The following PPP6R2 variants were observed in gnomAD, a reference collection of about 807,000 sequenced individuals.
The protein encoded by PPP6R2 is serine/threonine-protein phosphatase 6 regulatory subunit 2.
In PPP6R2, 62 loss-of-function variants were observed where a neutral mutation model predicts 100.2. The ratio of observed to expected loss-of-function variants is 0.62; its 90% CI spans 0.50 to 0.76. PPP6R2 has a LOEUF of 0.76. PPP6R2 is among the 30% of genes least tolerant of loss of function. PPP6R2 has a pLI of 0.00. For missense variants in PPP6R2, 1,142 were observed against 1,276.3 expected (o/e 0.89, Z 1.60); for synonymous variants, 525 against 514.7 (o/e 1.02, Z -0.27).
In PPP6R2 at chr22:50,437,037, G is replaced by T; in HGVS notation, c.1652G>T (p.Gly551Val). 6.4e-7 allele frequency: 1 copy of T among 1,563,012 alleles called. No individual in the cohort carries two copies. The highest frequency in any genetic ancestry group is 8.7e-7 in the Non-Finnish European group (1 of 1,153,934). Residue 551 changes from glycine to valine, a missense_variant, in exon 15 of 24, where the codon GGT becomes GTT. By Grantham distance (109) the Gly-to-Val change is moderately radical. Coordinates refer to ENST00000612753, the MANE Select transcript of PPP6R2 (RefSeq NM_001242898.2). ...TCAAGTGAGGACGAGGACATTGAGGGTGCTTTCCCTAACGAGCTGTCCCTT... is the reference window on the plus strand; with the variant it reads ...TCAAGTGAGGACGAGGACATTGAGGTTGCTTTCCCTAACGAGCTGTCCCTT... ...HSSSEDEDIE[G>V]AFPNELSLQQ...
At chr22:50,440,164 A>G (rs1219646817) in intron 21 of PPP6R2, 115 bp downstream of exon 21, 8 of 928,052 alleles carry the variant, frequency 8.6e-6, no homozygotes, top group South Asian at 1.7e-5. Flanking sequence ...GCATGCTGCT[A>G]CGTCTCTGGT....
At chr22:50,412,678 GT>G (rs2059931330) in intron 4 of PPP6R2, among the ~76,000 whole-genome samples, 1 of 91,280 alleles carries the variant, frequency 1.1e-5, no homozygotes, top group African/African-American at 4.4e-5. Flanking sequence ...GTCTTGCTCT[GT>G]CACCCAGGCT....
intron 3 of PPP6R2, among the ~76,000 whole-genome samples, chr22:50,405,549 G>T (rs2058744206): frequency 7.2e-6 from 1 of 138,172 alleles, no homozygotes; most frequent in Non-Finnish European, 1.6e-5. Context: ...TAAGAGGCCT[G>T]GAGAGAGGTG....
intron 1 of PPP6R2, among the ~76,000 whole-genome samples, chr22:50,350,419 T>C (rs62241244): frequency 0.82 from 124,750 of 151,380 alleles, 52,032 homozygotes; most frequent in African/African-American, 0.95. Context: ...TCTATAAAGA[T>C]GGGATTTCAC....
the PPP6R2 span, among the ~76,000 whole-genome samples, chr22:50,333,997 T>C: frequency 6.6e-6 from 1 of 152,214 alleles, no homozygotes; most frequent in Non-Finnish European, 1.5e-5. Context: ...GTAACGTCAT[T>C]ATTTCTTTTA....
chr22:50,441,082 GCTCTGT>G, intron 22 of PPP6R2, 56 bp downstream of exon 22: 1 of 1,400,400 alleles, frequency 7.1e-7, no homozygotes, highest in Non-Finnish European at 9.5e-7. Flanking sequence ...TGGCTTCCAG[GCTCTGT>G]CCCCAGGTCT....
At chr22:50,340,392 GGT>G (rs1455610335), upstream of PPP6R2, among the ~76,000 whole-genome samples, 47 of 123,964 alleles carry the variant, frequency 3.8e-4, no homozygotes, top group African/African-American at 1.3e-3. Flanking sequence ...TATGGTATGT[GGT>G]GTGTGTGGTG....
intron 10 of PPP6R2, among the ~76,000 whole-genome samples, chr22:50,430,283 G>A (rs906767119): frequency 1.3e-5 from 2 of 152,212 alleles, no homozygotes; most frequent in Non-Finnish European, 2.9e-5. Context: ...GGGCTCCCTT[G>A]GGGAGTGTCT....
At chr22:50,338,694 G>A (rs1191522952), upstream of PPP6R2, among the ~76,000 whole-genome samples, 2 of 147,968 alleles carry the variant, frequency 1.4e-5, no homozygotes, top group South Asian at 4.4e-4. Context: ...TGTGGTGTGT[G>A]TGGTGTGTGT....
At position 50,438,705 on chromosome 22, in the gene PPP6R2, G is replaced by C. The variant is rs1421632552; in HGVS notation, c.2071G>C (p.Gly691Arg). 5.6e-6 allele frequency: 9 copies of C among 1,613,636 alleles called. No homozygotes were observed. The highest frequency in any genetic ancestry group is 3.3e-5 in the South Asian group (3 of 91,070). ...AGCACACAGAGATGCACCTGGGGCA[G>C]GTGCCCCACCGGCCCCCGGGAAGAA... The part of the protein sequence containing the change: ...LEAHRDAPGA[G>R]APPAPGKKEA... Residue 691 changes from glycine to arginine, a missense_variant, in exon 19 of 24, where the codon GGT (glycine) becomes CGT (arginine). Transcript: ENST00000612753.
intron 1 of PPP6R2, among the ~76,000 whole-genome samples, chr22:50,368,164 G>C (rs971770686): frequency 6.6e-6 from 1 of 152,270 alleles, no homozygotes; most frequent in Non-Finnish European, 1.5e-5. Flanking sequence ...AAATGGACCA[G>C]GAGCGTGACC....
At chr22:50,374,983 CA>C (rs1336992771) in intron 2 of PPP6R2, among the ~76,000 whole-genome samples, 2 of 149,482 alleles carry the variant, frequency 1.3e-5, no homozygotes, top group Non-Finnish European at 3.0e-5. Context: ...CGTATAGCAC[CA>C]AAGACAAAAA....
At chr22:50,338,935 TGTGGGTGTGTAGGGTGTG>T (rs1348065691), upstream of PPP6R2, among the ~76,000 whole-genome samples, 9 of 131,506 alleles carry the variant, frequency 6.8e-5, no homozygotes, top group African/African-American at 5.9e-5. Context: ...ATGTGGTGTG[TGTGGGTGTGTAGGGTGTG>T]GTGGGTGTGT....
intron 1 of PPP6R2, among the ~76,000 whole-genome samples, chr22:50,365,024 T>A (rs1199051187): frequency 1.3e-5 from 2 of 152,034 alleles, no homozygotes; most frequent in Non-Finnish European, 2.9e-5. Context: ...ATATCTTCCA[T>A]GTCTTTACTT....
At chr22:50,437,799 G>A (rs747065331) in intron 16 of PPP6R2, 44 bp from the exon 17 acceptor site, 2 of 1,545,022 alleles carry the variant, frequency 1.3e-6, no homozygotes, top group Non-Finnish European at 1.8e-6. Context: ...CAGATGAGCA[G>A]TGGGCCTGGA....
At chr22:50,398,162 A>C (rs1603200579) in intron 3 of PPP6R2, among the ~76,000 whole-genome samples, 1 of 147,640 alleles carries the variant, frequency 6.8e-6, no homozygotes, top group South Asian at 2.1e-4. Flanking sequence ...GCGAGACTCC[A>C]TCTCTTTTTT....
intron 12 of PPP6R2, among the ~76,000 whole-genome samples, chr22:50,434,251 C>T (rs1486971971): frequency 2.2e-3 from 87 of 39,550 alleles, no homozygotes; most frequent in Middle Eastern, 0.025. Context: ...GGGCCGGGCA[C>T]TTGCCCTGGA....
intron 10 of PPP6R2, among the ~76,000 whole-genome samples, chr22:50,427,822 G>A (rs547501530): frequency 2.0e-5 from 3 of 152,270 alleles, no homozygotes; most frequent in African/African-American, 7.2e-5. Flanking sequence ...CCAGGTTCAC[G>A]CCATTCTCCT....
chr22:50,355,472 G>A (rs1352344182), intron 1 of PPP6R2, among the ~76,000 whole-genome samples: 4 of 150,076 alleles, frequency 2.7e-5, no homozygotes, highest in Non-Finnish European at 5.9e-5. Context: ...GTGATCGGCC[G>A]CCCGCCTTGG....
Sources: gnomAD v4.1 joint callset for allele counts (sites outside exome capture counted in the v4.1 genomes callset) on GRCh38, gnomAD v4.1.1 for gene constraint, MANE v1.5 for transcripts, NCBI Gene and HGNC (gene_info 2026-07-23, HGNC 2026-07-21) for gene names.